Variants in IQCH observed in about 807,000 individuals in gnomAD.
IQCH encodes the protein IQ motif containing H.
A neutral mutation model predicts 117.0 loss-of-function variants in IQCH; 98 were observed. The ratio of observed to expected loss-of-function variants is 0.84; its 90% confidence interval spans 0.71 to 0.99. IQCH has a LOEUF of 0.99. Ranked by LOEUF, IQCH falls within the 50% of genes least tolerant of loss-of-function variation. The pLI, the probability that IQCH is intolerant of heterozygous loss-of-function variation, is 0.00. For missense variants in IQCH, 1,102 were observed against 1,243.8 expected, an observed-to-expected ratio of 0.89 and a Z score of 1.72; for synonymous variants, 412 against 448.2, an observed-to-expected ratio of 0.92 and a Z score of 1.02.
At chr15:67,324,246 C>G (rs1239440618) in intron 4 of IQCH, among the ~76,000 whole-genome samples, 2 of 150,214 alleles carry the variant, frequency 1.3e-5, no homozygotes, top group Non-Finnish European at 3.0e-5. Flanking sequence ...CGCCCAGCCT[C>G]AAGCATTTCT....
rs779171460 is a variant in IQCH, at chr15:67,372,293, T to C, written c.936T>C (p.Tyr312=). The change falls in exon 9 of 21, where the codon TAT becomes TAC. Residue 312 remains tyrosine (Y), a synonymous_variant. Transcript: ENST00000335894. ...ACGTCGAGAAGTTTCTCAGGAACTA[T>C]GCTATACCAGAAGTCAAAATAAAAG... ...LEHVEKFLRN[Y]AIPEVKIKGN... 10 of 1,614,130 alleles carry C rather than the reference T, an allele frequency of 6.2e-6. No homozygotes were observed. The South Asian group carries it at 1.1e-4, about 18-fold the overall frequency.
chr15:67,479,849 A>G lies in IQCH; in HGVS notation c.2799+4031A>G, dbSNP rs1273454019. On this transcript the variant is annotated intron_variant, in intron 18 of 20. Coordinates refer to ENST00000335894, the MANE Select transcript of IQCH (RefSeq NM_001031715.3). The surrounding 1 kb of genome is among the most constrained non-coding windows in gnomAD (Gnocchi z 4.6). Reference sequence around the variant, plus strand: ...ATTATGATCACAGACTTTTCAAATGATGTTCTTGTCCAAAGTCCCAGGGGG... The same window carrying G: ...ATTATGATCACAGACTTTTCAAATGGTGTTCTTGTCCAAAGTCCCAGGGGG... Among the ~76,000 whole-genome samples the G allele has an allele frequency of 6.6e-6, 1 of 152,204 alleles. No individual in the cohort carries two copies. Among genetic ancestry groups the G allele is most frequent in the East Asian group, 1.9e-4 (1 of 5,202 alleles).
At chr15:67,423,107 G>T (rs1014815966) in intron 16 of IQCH, among the ~76,000 whole-genome samples, 1 of 152,128 alleles carries the variant, frequency 6.6e-6, no homozygotes, top group Non-Finnish European at 1.5e-5. Flanking sequence ...TTTACATTCT[G>T]TTCTCAGGCC....
At chr15:67,410,130 C>T (rs1184525180) in intron 14 of IQCH, among the ~76,000 whole-genome samples, 1 of 152,184 alleles carries the variant, frequency 6.6e-6, no homozygotes, top group African/African-American at 2.4e-5. Flanking sequence ...CATTTGCTGG[C>T]TTAAAACACC....
rs1222724056 is a variant in IQCH at position 67,370,497 on chromosome 15, C to T, written c.754-1614C>T. Among the ~76,000 whole-genome samples, 2 of 152,168 alleles carry T rather than the reference C, an allele frequency of 1.3e-5. No homozygotes were observed. The highest frequency in any genetic ancestry group is 4.8e-5 in the African/African-American group (2 of 41,434). ...GAGGGAGCAATGTGGCCATAGAGGC[C>T]ATTTCTGTTGGAACATGTGCCACTT... On this transcript the variant is annotated intron_variant, in intron 8 of 20. Transcript: ENST00000335894. The surrounding 1 kb of genome is among the most constrained non-coding windows in gnomAD (Gnocchi z 5.6).
At position 67,335,339 on chromosome 15, in the gene IQCH, G is replaced by T. The variant is rs1055529657; in HGVS notation, c.388-1636G>T. Among the ~76,000 whole-genome samples the T allele has an allele frequency of 2.0e-5, 3 of 152,190 alleles. No individual in the cohort carries two copies. In the South Asian group the frequency reaches 6.2e-4, roughly 32 times the overall value. On this transcript the variant is annotated intron_variant, in intron 4 of 20. Coordinates refer to ENST00000335894, the MANE Select transcript of IQCH (RefSeq NM_001031715.3). ...TTTGTCAAAGGCTTTGAGAAAATCC[G>T]GATAAATTATCCTCTTTGTCCTGAA...
rs201002239 is a variant in IQCH, at chr15:67,393,063, C to T, written c.1633-2228C>T. On this transcript the variant is annotated intron_variant, in intron 12 of 20. Transcript: ENST00000335894. This position sits in a 1 kb window ranked among gnomAD's most constrained non-coding sequence, Gnocchi z 5.5. ...ACCATTACCACTATCAATTTCAGAACTTTTTATCATCCCAAGAAGAAACTC... is the reference window on the plus strand; with the variant it reads ...ACCATTACCACTATCAATTTCAGAATTTTTTATCATCCCAAGAAGAAACTC... 3.5e-4 allele frequency among the ~76,000 whole-genome samples: 54 copies of T among 152,208 alleles called. No individual in the cohort carries two copies. The East Asian group carries it at 0.01, about 28-fold the overall frequency.
intron 20 of IQCH, among the ~76,000 whole-genome samples, chr15:67,497,091 G>T (rs2083838772): frequency 1.4e-5 from 2 of 141,984 alleles, no homozygotes; most frequent in Admixed American, 1.4e-4. Context: ...CTTGTAAATA[G>T]AAAATCCTAT....
rs1337823362 is a variant in IQCH, at chr15:67,406,695, G to C, written c.2097+6390G>C. On this transcript the variant is annotated intron_variant, in intron 14 of 20. Transcript: ENST00000335894. This position sits in a 1 kb window ranked among gnomAD's most constrained non-coding sequence, Gnocchi z 4.5. ...AACTAAGAGGTAGTTTGGCTTCCTGGGGTTCCATAGCCAGGGACACCTAGG... is the reference window on the plus strand; with the variant it reads ...AACTAAGAGGTAGTTTGGCTTCCTGCGGTTCCATAGCCAGGGACACCTAGG... The C allele has an allele frequency of 6.6e-6, 1 of 152,132 alleles. No homozygotes were observed. Among genetic ancestry groups the C allele is most frequent in the African/African-American group, 2.4e-5 (1 of 41,438 alleles). The allele number at this position is 152,132 out of a possible 1,614,324, so 9.4% of individuals were successfully genotyped here.
At chr15:67,304,249 C>T in intron 4 of IQCH, 9 of 582,202 alleles carry the variant, frequency 1.5e-5, no homozygotes, top group Middle Eastern at 3.0e-4. Flanking sequence ...TAATTATTTC[C>T]AAAGAACTTT....
At position 67,393,321 on chromosome 15, in the gene IQCH, C is replaced by T. The variant is rs770220642; in HGVS notation, c.1633-1970C>T. Among the ~76,000 whole-genome samples the T allele has an allele frequency of 1.8e-4, 27 of 152,066 alleles. 1 individual carries two copies. Among genetic ancestry groups the T allele is most frequent in the Non-Finnish European group, 3.2e-4 (22 of 68,010 alleles). On this transcript the variant is annotated intron_variant, in intron 12 of 20. Transcript: ENST00000335894. This position sits in a 1 kb window ranked among gnomAD's most constrained non-coding sequence, Gnocchi z 5.5. Reference sequence around the variant, plus strand: ...TCCCATACTCAGGAGTTATACTCTCCGACAATTTGCAAACTGGTGCATCTG... The same window carrying T: ...TCCCATACTCAGGAGTTATACTCTCTGACAATTTGCAAACTGGTGCATCTG...
intron 13 of IQCH, 61 bp from the exon 14 acceptor site, chr15:67,400,053 G>T: frequency 7.3e-7 from 1 of 1,375,364 alleles, no homozygotes; most frequent in South Asian, 1.3e-5. Context: ...AAGTTGTTAC[G>T]ATAAAAAGGA....
chr15:67,304,696 A>G (rs1343427194), intron 4 of IQCH, among the ~76,000 whole-genome samples: 1 of 152,058 alleles, frequency 6.6e-6, no homozygotes, highest in Non-Finnish European at 1.5e-5. Context: ...TGATATTCCT[A>G]AATAATCTAG....
Position 67,463,743 on chromosome 15 carries a change from T to C in IQCH, c.2506-1384T>C, listed in dbSNP as rs1052172197. Among the ~76,000 whole-genome samples, 2 of 152,256 alleles carry C rather than the reference T, an allele frequency of 1.3e-5. No homozygotes were observed. Among genetic ancestry groups the C allele is most frequent in the African/African-American group, 4.8e-5 (2 of 41,476 alleles). ...TTAGACAAACCCAGTCTGTCCTTTC[T>C]TTCTGCTTCAGTAGTACTTTGTTCC... On this transcript the variant is annotated intron_variant, in intron 16 of 20. Transcript: ENST00000335894. The surrounding 1 kb of genome is among the most constrained non-coding windows in gnomAD (Gnocchi z 4.0).
At chr15:67,324,769 C>G (rs1424898138) in intron 4 of IQCH, among the ~76,000 whole-genome samples, 1 of 152,042 alleles carries the variant, frequency 6.6e-6, no homozygotes, top group Non-Finnish European at 1.5e-5. Flanking sequence ...GAGAAGTCAA[C>G]CATTATTCAC....
chr15:67,346,205 T>G (rs2140692617), intron 6 of IQCH, among the ~76,000 whole-genome samples: 1 of 152,208 alleles, frequency 6.6e-6, no homozygotes, highest in African/African-American at 2.4e-5. Context: ...CATTCCTAAA[T>G]GTGTATTTAC....
Position 67,400,269 on chromosome 15 carries a change from A to G in IQCH, c.2061A>G (p.Arg687=). 6.2e-7 allele frequency: 1 copy of G among 1,613,700 alleles called. No homozygotes were observed. The highest frequency in any genetic ancestry group is 1.3e-5 in the African/African-American group (1 of 75,016). ...AATGGGTGCTAAAGGAGAGTAGCAG[A>G]TATGGCCTTGAAGACTGGAGAAAGA... ...CYKWVLKESS[R]YGLEDWRKKW... is the part of the protein sequence containing the mutation. Residue 687 remains arginine, a synonymous_variant, in exon 14 of 21, where the codon AGA becomes AGG. Coordinates refer to ENST00000335894, the MANE Select transcript of IQCH (RefSeq NM_001031715.3).
At chr15:67,313,629 C>A (rs1035337937) in intron 4 of IQCH, among the ~76,000 whole-genome samples, 10 of 152,262 alleles carry the variant, frequency 6.6e-5, no homozygotes, top group African/African-American at 2.2e-4. Flanking sequence ...CAGAGGATGG[C>A]TTAGAGCTTT....
intron 6 of IQCH, among the ~76,000 whole-genome samples, chr15:67,355,174 A>T (rs1466068160): frequency 1.3e-5 from 2 of 152,234 alleles, no homozygotes; most frequent in African/African-American, 4.8e-5. Flanking sequence ...AGACATACTA[A>T]AAACTTATTT....
Sources: gnomAD v4.1 joint callset for allele counts (sites outside exome capture counted in the v4.1 genomes callset) on GRCh38, gnomAD v4.1.1 for gene constraint, Gnocchi (gnomAD v3.1) non-coding constraint, MANE v1.5 for transcripts, NCBI Gene and HGNC (gene_info 2026-07-23, HGNC 2026-07-21) for gene names.